Variants in MANEA observed in about 807,000 individuals in gnomAD.
MANEA encodes the protein glycoprotein endo-alpha-1,2-mannosidase.
In MANEA, 25 loss-of-function variants were observed where a neutral mutation model predicts 36.8. That is an observed-to-expected ratio of 0.68 (90% confidence interval 0.50 to 0.95). The LOEUF (loss-of-function observed/expected upper bound fraction) is 0.95, where lower values mean the gene tolerates loss of function less well. Ranked by LOEUF, MANEA falls within the 40% of genes least tolerant of loss-of-function variation. MANEA has a pLI of 0.00. For synonymous variants in MANEA, 198 were observed against 188.5 expected (o/e 1.05, Z -0.41); for missense variants, 565 against 558.8 (o/e 1.01, Z -0.11).
At chr6:95,580,775 C>T (rs1480798426) in intron 1 of MANEA, among the ~76,000 whole-genome samples, 1 of 142,902 alleles carries the variant, frequency 7.0e-6, no homozygotes, top group East Asian at 2.0e-4. Flanking sequence ...ATACTGTTAA[C>T]AATAAAATAT....
At chr6:95,581,488 T>C (rs1769181659) in intron 1 of MANEA, among the ~76,000 whole-genome samples, 1 of 152,214 alleles carries the variant, frequency 6.6e-6, no homozygotes, top group Non-Finnish European at 1.5e-5. Context: ...AGAAATTTTT[T>C]AGAGTTTCCA....
chr6:95,596,176 G>C (rs1427796563), intron 2 of MANEA, among the ~76,000 whole-genome samples: 2 of 152,078 alleles, frequency 1.3e-5, no homozygotes. Flanking sequence ...TTATTGGCAG[G>C]GGTGAGGGGG....
At chr6:95,600,321 G>C (rs1297249096) in intron 3 of MANEA, among the ~76,000 whole-genome samples, 1 of 152,148 alleles carries the variant, frequency 6.6e-6, no homozygotes, top group African/African-American at 2.4e-5. Flanking sequence ...ACTATGTATA[G>C]ACAAAGAATA....
chr6:95,606,434 A>G lies in MANEA; in HGVS notation c.*29A>G. On this transcript the variant is annotated 3_prime_UTR_variant, in exon 5 of 5. Coordinates refer to ENST00000358812, the MANE Select transcript of MANEA (RefSeq NM_024641.4). ...ATTGATTAAAGTTTAATAGTTATCA[A>G]AATCACCTAATTTTTAAAAATAGCT... The G allele has an allele frequency of 6.7e-7, 1 of 1,500,522 alleles. No individual in the cohort carries two copies. Among genetic ancestry groups the G allele is most frequent in the Non-Finnish European group, 8.9e-7 (1 of 1,124,536 alleles). 93.0% of individuals were successfully genotyped at this position (1,500,522 alleles called of 1,614,324 possible).
At chr6:95,584,236 A>G (rs1187319291) in intron 1 of MANEA, among the ~76,000 whole-genome samples, 1 of 152,204 alleles carries the variant, frequency 6.6e-6, no homozygotes, top group Non-Finnish European at 1.5e-5. Context: ...AGACAGCGAT[A>G]AAGTCTGACT....
In MANEA at chr6:95,586,542, A is replaced by C. The variant is rs1215627400; in HGVS notation, c.103A>C (p.Thr35Pro). ...AAAAATGCTGAGACCAAATACAGCT[A>C]CTTTTGGAGCTCCTTTTGGACTTGA... ...GLKMLRPNTA[T>P]FGAPFGLDLL... The change falls in exon 2 of 5, where the codon ACT (threonine) becomes CCT (proline). Residue 35 changes from threonine (T) to proline (P), a missense_variant. Physicochemically the swap from Thr to Pro is conservative, Grantham distance 38. Transcript: ENST00000358812. 6.2e-7 allele frequency: 1 copy of C among 1,613,858 alleles called. No homozygotes were observed. Among genetic ancestry groups the C allele is most frequent in the East Asian group, 2.2e-5 (1 of 44,860 alleles).
At position 95,608,979 on chromosome 6, in the gene MANEA, C is replaced by T. The variant is rs1421452765; in HGVS notation, c.*2574C>T. On this transcript the variant is annotated 3_prime_UTR_variant, in exon 5 of 5. Coordinates refer to ENST00000358812, the MANE Select transcript of MANEA (RefSeq NM_024641.4). ...AGAACCTACAGATAAGGTGAGCCAA[C>T]TGCATTAGGAAATAACTCTAATAAT... is the stretch of plus-strand genomic sequence containing the variant. 1 of 151,738 alleles carries T rather than the reference C, an allele frequency of 6.6e-6. No homozygotes were observed. Among genetic ancestry groups the T allele is most frequent in the Non-Finnish European group, 1.5e-5 (1 of 67,778 alleles). The allele number at this position is 151,738 out of a possible 1,614,324, so 9.4% of individuals were successfully genotyped here.
At chr6:95,581,622 C>G (rs1471375859) in intron 1 of MANEA, among the ~76,000 whole-genome samples, 4 of 152,024 alleles carry the variant, frequency 2.6e-5, no homozygotes. Flanking sequence ...AAACAGATAC[C>G]CTCTTTTTTA....
rs1769289889 is a variant in MANEA at position 95,586,693 on chromosome 6, C to T, written c.254C>T (p.Pro85Leu). 6 of 1,613,854 alleles carry T rather than the reference C, an allele frequency of 3.7e-6. No homozygotes were observed. Among genetic ancestry groups the T allele is most frequent in the African/African-American group, 2.7e-5 (2 of 74,912 alleles). The change falls in exon 2 of 5, where the codon CCT becomes CTT. Residue 85 changes from proline (P) to leucine (L), a missense_variant. Coordinates refer to ENST00000358812, the MANE Select transcript of MANEA (RefSeq NM_024641.4). ...NLKSVEITMK[P>L]SKASELNLDE... ...AAAAGTGTTGAAATCACTATGAAACCTTCCAAAGCCTCTGAACTTAACTTG... is the reference window on the plus strand; with the variant it reads ...AAAAGTGTTGAAATCACTATGAAACTTTCCAAAGCCTCTGAACTTAACTTG...
chr6:95,602,514 G>A (rs1314454446), intron 3 of MANEA, among the ~76,000 whole-genome samples: 1 of 152,024 alleles, frequency 6.6e-6, no homozygotes, highest in Non-Finnish European at 1.5e-5. Flanking sequence ...ATTTATTAAA[G>A]TTATTAAAAT....
chr6:95,595,238 T>C (rs1769462502), intron 2 of MANEA, among the ~76,000 whole-genome samples: 1 of 152,220 alleles, frequency 6.6e-6, no homozygotes, highest in African/African-American at 2.4e-5. Context: ...CTTATTTTCA[T>C]TGGTGATATT....
rs532761528 is a variant in MANEA, at chr6:95,586,728, C to A, written c.289C>A (p.Pro97Thr). ...CTCTGAACTTAACTTGGATGAACTA[C>A]CACCTCTGAACAATTATCTACATGT... is the stretch of plus-strand genomic sequence containing the variant. ...KASELNLDEL[P>T]PLNNYLHVFY... The change falls in exon 2 of 5, where the codon CCA becomes ACA. Residue 97 changes from proline to threonine, a missense_variant. Pro to Thr is a conservative substitution (Grantham distance 38, BLOSUM62 -1). Transcript: ENST00000358812. 1 of 1,613,838 alleles carries A rather than the reference C, an allele frequency of 6.2e-7. No individual in the cohort carries two copies. The highest frequency in any genetic ancestry group is 1.1e-5 in the South Asian group (1 of 91,072).
At chr6:95,585,466 C>T (rs1345162316) in intron 1 of MANEA, among the ~76,000 whole-genome samples, 1 of 152,102 alleles carries the variant, frequency 6.6e-6, no homozygotes, top group Non-Finnish European at 1.5e-5. Flanking sequence ...CACACACCAC[C>T]ATGCCTAGCC....
chr6:95,598,285 A>C (rs1358527926), intron 3 of MANEA, among the ~76,000 whole-genome samples: 3 of 152,128 alleles, frequency 2.0e-5, no homozygotes, highest in Non-Finnish European at 4.4e-5. Context: ...TTGTTACCTC[A>C]CACAATTTCT....
At chr6:95,587,712 C>A (rs550988659) in intron 2 of MANEA, among the ~76,000 whole-genome samples, 1 of 152,124 alleles carries the variant, frequency 6.6e-6, no homozygotes, top group South Asian at 2.1e-4. Context: ...AGGCATGTAG[C>A]ATGTAATTTA....
intron 1 of MANEA, among the ~76,000 whole-genome samples, chr6:95,579,330 G>A (rs1025709709): frequency 6.6e-6 from 1 of 152,130 alleles, no homozygotes; most frequent in Non-Finnish European, 1.5e-5. Context: ...CCAAGATGGC[G>A]CCACTGCACT....
rs1446388880 is a variant in MANEA at position 95,607,318 on chromosome 6, GTTA to G, written c.*916_*918del. 3 of 151,972 alleles carry G rather than the reference GTTA, an allele frequency of 2.0e-5. No individual in the cohort carries two copies. The highest frequency in any genetic ancestry group is 7.2e-5 in the African/African-American group (3 of 41,404). The allele number at this position is 151,972 out of a possible 1,614,324, so 9.4% of individuals were successfully genotyped here. On this transcript the variant is annotated 3_prime_UTR_variant, in exon 5 of 5. Transcript: ENST00000358812. ...TCGATCTTTAAGTTGTTACTATTGT[GTTA>G]TTCATGTCTTTAAATCAGATACCAA... is the stretch of plus-strand genomic sequence containing the variant.
rs199997844 is a variant in MANEA at position 95,586,581 on chromosome 6, C to T, written c.142C>T (p.Leu48Phe). The change falls in exon 2 of 5, where the codon CTT (leucine) becomes TTT (phenylalanine). Residue 48 changes from leucine (L) to phenylalanine (F), a missense_variant. Coordinates refer to ENST00000358812, the MANE Select transcript of MANEA (RefSeq NM_024641.4). ...TTTTGGACTTGACCTTCTTCCAGAA[C>T]TTCATCAACGAACTATTCATTTGGG... ...APFGLDLLPE[L>F]HQRTIHLGKN... The T allele has an allele frequency of 6.2e-7, 1 of 1,613,996 alleles. No individual in the cohort carries two copies. The highest frequency in any genetic ancestry group is 8.5e-7 in the Non-Finnish European group (1 of 1,179,960).
At chr6:95,586,364 A>ATAACACT (rs1769280533) in intron 1 of MANEA, 38 bp from the exon 2 acceptor site, 1 of 1,205,854 alleles carries the variant, frequency 8.3e-7, no homozygotes, top group African/African-American at 1.5e-5. Flanking sequence ...AATACTGTTG[A>ATAACACT]TAACACTTAC....
Sources: gnomAD v4.1 joint callset for allele counts (sites outside exome capture counted in the v4.1 genomes callset) on GRCh38, gnomAD v4.1.1 for gene constraint, MANE v1.5 for transcripts, NCBI Gene and HGNC (gene_info 2026-07-23, HGNC 2026-07-21) for gene names.